Variants in HMGB1 observed in about 807,000 individuals in gnomAD.
HMGB1 encodes the protein high mobility group box 1.
For synonymous variants in HMGB1, 81 were observed against 84.0 expected (o/e 0.96, Z 0.19); for missense variants, 79 against 253.5 (o/e 0.31, Z 4.67).
chr13:30,521,948 A>C (rs1212588061), intron 1 of HMGB1, among the ~76,000 whole-genome samples: 5 of 152,162 alleles, frequency 3.3e-5, no homozygotes, highest in African/African-American at 4.8e-5. Context: ...ATGGCATTGC[A>C]CTTATTTTTA....
intron 1 of HMGB1, among the ~76,000 whole-genome samples, chr13:30,493,532 C>T (rs939929555): frequency 2.1e-4 from 32 of 152,212 alleles, no homozygotes; most frequent in African/African-American, 7.2e-4. Flanking sequence ...CAGTGGCTCA[C>T]GCCTGTAATC....
chr13:30,489,235 C>T (rs912824299), intron 1 of HMGB1, among the ~76,000 whole-genome samples: 14 of 152,100 alleles, frequency 9.2e-5, no homozygotes, highest in African/African-American at 3.1e-4. Flanking sequence ...GTAGTACGTG[C>T]CTGTAGTCCC....
At chr13:30,605,252 C>G (rs1160815720) in intron 1 of HMGB1, among the ~76,000 whole-genome samples, 4 of 152,156 alleles carry the variant, frequency 2.6e-5, no homozygotes. Context: ...ATAAATGAGT[C>G]TGAAGTTCAG....
intron 1 of HMGB1, among the ~76,000 whole-genome samples, chr13:30,562,363 T>C (rs1282680597): frequency 6.6e-6 from 1 of 151,790 alleles, no homozygotes; most frequent in Non-Finnish European, 1.5e-5. Context: ...TACTCTCTCA[T>C]ATAGAAGTAA....
chr13:30,491,234 T>C (rs1887484558), intron 1 of HMGB1, among the ~76,000 whole-genome samples: 1 of 152,108 alleles, frequency 6.6e-6, no homozygotes, highest in African/African-American at 2.4e-5. Context: ...TTCACCATGT[T>C]AGCCAGGCTG....
chr13:30,552,687 C>A (rs1413363102), intron 1 of HMGB1, among the ~76,000 whole-genome samples: 1 of 152,200 alleles, frequency 6.6e-6, no homozygotes, highest in Non-Finnish European at 1.5e-5. Flanking sequence ...ACCCAGCATT[C>A]GTTGGTGACT....
chr13:30,525,063 G>A (rs763453485), intron 1 of HMGB1, among the ~76,000 whole-genome samples: 1 of 152,118 alleles, frequency 6.6e-6, no homozygotes, highest in Non-Finnish European at 1.5e-5. Context: ...GTTTAAATCC[G>A]AACTCTGCTA....
chr13:30,560,783 G>A (rs930753765), intron 1 of HMGB1, among the ~76,000 whole-genome samples: 3 of 152,102 alleles, frequency 2.0e-5, no homozygotes, highest in African/African-American at 7.2e-5. Flanking sequence ...AGCATGATAG[G>A]CTCACTTTTT....
At chr13:30,486,647 G>C (rs901098062) in intron 1 of HMGB1, among the ~76,000 whole-genome samples, 6 of 152,200 alleles carry the variant, frequency 3.9e-5, no homozygotes, top group Non-Finnish European at 8.8e-5. Flanking sequence ...TCTTGCTGGA[G>C]GCTGCCTGCT....
At chr13:30,510,847 C>A (rs1887976507) in intron 1 of HMGB1, among the ~76,000 whole-genome samples, 1 of 152,202 alleles carries the variant, frequency 6.6e-6, no homozygotes, top group Non-Finnish European at 1.5e-5. Context: ...TCTCCTCCAG[C>A]CCTCCTCAAT....
chr13:30,488,243 G>A (rs990109182), intron 1 of HMGB1, among the ~76,000 whole-genome samples: 1 of 152,112 alleles, frequency 6.6e-6, no homozygotes, highest in African/African-American at 2.4e-5. Context: ...TAGCCGACCA[G>A]TAAACTTCAA....
chr13:30,552,041 T>C (rs984724663), intron 1 of HMGB1, among the ~76,000 whole-genome samples: 2 of 152,052 alleles, frequency 1.3e-5, no homozygotes, highest in African/African-American at 4.8e-5. Flanking sequence ...GGTATTGGTG[T>C]CCCTCTCACA....
intron 1 of HMGB1, among the ~76,000 whole-genome samples, chr13:30,500,622 A>G (rs1348363116): frequency 2.0e-5 from 3 of 148,246 alleles, no homozygotes; most frequent in Non-Finnish European, 3.0e-5. Context: ...GCTCAATTCA[A>G]CCTCTGCCTC....
intron 1 of HMGB1, among the ~76,000 whole-genome samples, chr13:30,551,595 T>G (rs1869430725): frequency 6.6e-6 from 1 of 152,226 alleles, no homozygotes; most frequent in African/African-American, 2.4e-5. Context: ...CACCCAGGCC[T>G]CTAGGATGCA....
intron 1 of HMGB1, among the ~76,000 whole-genome samples, chr13:30,471,654 CTTTTTTTTTTT>C (rs1171119586): frequency 2.0e-4 from 6 of 30,616 alleles, no homozygotes; most frequent in South Asian, 2.4e-3. Context: ...CGTGCCCGGC[CTTTTTTTTTTT>C]TTTTTTTTTT....
chr13:30,508,533 A>C (rs1368889492), intron 1 of HMGB1, among the ~76,000 whole-genome samples: 1 of 150,252 alleles, frequency 6.7e-6, no homozygotes, highest in Non-Finnish European at 1.5e-5. Flanking sequence ...AAAGAAAAGA[A>C]AAGAAAATGA....
rs372905695 is a variant in HMGB1 at position 30,533,122 on chromosome 13, T to C, written c.-14-69428A>G. On this transcript the variant is annotated intron_variant, in intron 1 of 4. Transcript: ENST00000405805. Reference sequence around the variant, plus strand: ...ATTTTTTCCACCATGAGACCCAGATTCACATGCAGCAGGGGAGACAGAAGG... The same window carrying C: ...ATTTTTTCCACCATGAGACCCAGATCCACATGCAGCAGGGGAGACAGAAGG... Among the ~76,000 whole-genome samples the C allele has an allele frequency of 5.3e-5, 8 of 152,176 alleles. No individual in the cohort carries two copies. The South Asian group carries it at 1.7e-3, about 32-fold the overall frequency.
intron 1 of HMGB1, among the ~76,000 whole-genome samples, chr13:30,584,732 C>T (rs1257926763): frequency 6.6e-6 from 1 of 151,996 alleles, no homozygotes; most frequent in African/African-American, 2.4e-5. Context: ...TTTGGTCAAC[C>T]AGAATTCTTA....
intron 1 of HMGB1, among the ~76,000 whole-genome samples, chr13:30,535,544 G>T (rs991003162): frequency 2.0e-5 from 3 of 152,176 alleles, no homozygotes. Flanking sequence ...AAACTGCAAA[G>T]ATACCATGCT....
Sources: allele counts gnomAD v4.1 joint callset (sites outside exome capture counted in the v4.1 genomes callset), GRCh38; gene constraint gnomAD v4.1.1; transcripts MANE v1.5; gene names NCBI Gene and HGNC (gene_info 2026-07-23, HGNC 2026-07-21).